Variants in WDFY3 observed in about 807,000 individuals in gnomAD.
The protein encoded by WDFY3 is WD repeat and FYVE domain-containing protein 3.
A neutral mutation model predicts 409.6 loss-of-function variants in WDFY3; 66 were observed. The observed-to-expected ratio is 0.16, with a 90% confidence interval of 0.13 to 0.20. The LOEUF (loss-of-function observed/expected upper bound fraction) is 0.20. Among genes scored for constraint, WDFY3 ranks in the 10% least tolerant of loss-of-function variants. WDFY3 has a pLI of 1.00. For synonymous variants in WDFY3, 1,521 were observed against 1,537.1 expected, an observed-to-expected ratio of 0.99 and a Z score of 0.25; for missense variants, 3,031 against 4,298.1, an observed-to-expected ratio of 0.71 and a Z score of 8.24.
rs1027493327 is a variant in WDFY3 at position 84,836,833 on chromosome 4, A to G, written c.576+96T>C. 1.9e-5 allele frequency: 21 copies of G among 1,103,232 alleles called. No homozygotes were observed. In the East Asian group the frequency reaches 5.8e-4, roughly 31 times the overall value. The allele number at this position is 1,103,232 out of a possible 1,614,324, so 68.3% of individuals were successfully genotyped here. On this transcript the variant is annotated intron_variant, in intron 7 of 67. Coordinates refer to ENST00000295888, the MANE Select transcript of WDFY3 (RefSeq NM_014991.6). ...CATACTATCATAAATAAAATGAAAT[A>G]TGAGTTAAAAAATGGAATATGTAAA...
chr4:84,721,899 G>A (rs1049041481), intron 46 of WDFY3, among the ~76,000 whole-genome samples: 1 of 152,078 alleles, frequency 6.6e-6, no homozygotes, highest in Non-Finnish European at 1.5e-5. Flanking sequence ...GAGGATTGTT[G>A]GAGGACTAAA....
intron 46 of WDFY3, among the ~76,000 whole-genome samples, chr4:84,722,003 G>T (rs1734933338): frequency 1.3e-5 from 2 of 152,202 alleles, no homozygotes; most frequent in African/African-American, 4.8e-5. Flanking sequence ...AGCTATAATA[G>T]TAAGAATGGT....
intron 13 of WDFY3, 81 bp downstream of exon 13, chr4:84,817,311 T>C: frequency 6.5e-7 from 1 of 1,540,428 alleles, no homozygotes; most frequent in Non-Finnish European, 8.8e-7. Flanking sequence ...AATTTCCCTG[T>C]CTCTAACTTA....
Position 84,797,987 on chromosome 4 carries a change from A to G in WDFY3, c.2935+9T>C, listed in dbSNP as rs1399269626. Reference sequence around the variant, plus strand: ...AAAATAAATCAAAAAAGGGAATTTCAAAACTTACTTCTCATTTCTGGTTCA... The same window carrying G: ...AAAATAAATCAAAAAAGGGAATTTCGAAACTTACTTCTCATTTCTGGTTCA... On this transcript the variant is annotated intron_variant, in intron 18 of 67. Coordinates refer to ENST00000295888, the MANE Select transcript of WDFY3 (RefSeq NM_014991.6). 6.3e-7 allele frequency: 1 copy of G among 1,589,934 alleles called. No individual in the cohort carries two copies. The highest frequency in any genetic ancestry group is 1.4e-5 in the African/African-American group (1 of 73,786).
rs869074191 is a variant in WDFY3, at chr4:84,850,928, G to GTTTTTTTTTTTTTTTTTTTTTTTTTTTTT, written c.181-932_181-904dup. On this transcript the variant is annotated intron_variant, in intron 4 of 67. Transcript: ENST00000295888. ...TTCTTATTTTTAATTTTATTTATCT[G>GTTTTTTTTTTTTTTTTTTTTTTTTTTTTT]TTTTTTTTTTTTTTTTTTTTTTTTT... Among the ~76,000 whole-genome samples, 47 of 46,252 alleles carry GTTTTTTTTTTTTTTTTTTTTTTTTTTTTT rather than the reference G, an allele frequency of 1.0e-3. 11 individuals are homozygous for GTTTTTTTTTTTTTTTTTTTTTTTTTTTTT. Among genetic ancestry groups the GTTTTTTTTTTTTTTTTTTTTTTTTTTTTT allele is most frequent in the South Asian group, 1.9e-3 (2 of 1,026 alleles). The allele number at this position is 46,252 out of a possible 152,430, so 30.3% of individuals were successfully genotyped here.
intron 3 of WDFY3, among the ~76,000 whole-genome samples, chr4:84,869,325 AG>A (rs1761861576): frequency 1.3e-5 from 2 of 151,086 alleles, no homozygotes; most frequent in South Asian, 4.2e-4. Flanking sequence ...ATTGTTCAAT[AG>A]AGGTGAGACT....
chr4:84,674,735 G>A (rs1301059924), intron 67 of WDFY3, among the ~76,000 whole-genome samples: 2 of 151,592 alleles, frequency 1.3e-5, no homozygotes, highest in East Asian at 4.0e-4. Flanking sequence ...AGGCGTGGTG[G>A]TGCACGCCTG....
intron 32 of WDFY3, among the ~76,000 whole-genome samples, chr4:84,762,393 C>G (rs1560693800): frequency 6.9e-6 from 1 of 145,076 alleles, no homozygotes; most frequent in Non-Finnish European, 1.5e-5. Flanking sequence ...TATTCTCACT[C>G]ATAGGTGGGA....
intron 5 of WDFY3, among the ~76,000 whole-genome samples, chr4:84,844,954 A>T (rs1757880394): frequency 1.3e-5 from 2 of 152,220 alleles, no homozygotes; most frequent in Non-Finnish European, 2.9e-5. Flanking sequence ...CTGTGACTTG[A>T]CCTAAACGTA....
intron 64 of WDFY3, among the ~76,000 whole-genome samples, chr4:84,680,451 G>A (rs1727170155): frequency 6.6e-6 from 1 of 152,084 alleles, no homozygotes; most frequent in African/African-American, 2.4e-5. Context: ...CACAACATCT[G>A]GCTAAAGATT....
At chr4:84,737,403 C>T in intron 40 of WDFY3, 37 bp from the exon 41 acceptor site, 1 of 1,516,612 alleles carries the variant, frequency 6.6e-7, no homozygotes, top group East Asian at 2.3e-5. Flanking sequence ...AAAAAGTAAG[C>T]AAATGATCAA....
chr4:84,688,796 G>A (rs1728763305), intron 61 of WDFY3, among the ~76,000 whole-genome samples: 1 of 152,144 alleles, frequency 6.6e-6, no homozygotes, highest in Non-Finnish European at 1.5e-5. Context: ...ATGTAGTCCT[G>A]AGGCGTCAAC....
At chr4:84,921,645 C>CTT (rs1561081050) in intron 2 of WDFY3, among the ~76,000 whole-genome samples, 2 of 112,304 alleles carry the variant, frequency 1.8e-5, no homozygotes, top group African/African-American at 3.6e-5. Flanking sequence ...CTATTGCTTT[C>CTT]ATTTTTTTTT....
At chr4:84,707,359 T>C (rs1258910725) in intron 53 of WDFY3, among the ~76,000 whole-genome samples, 1 of 152,068 alleles carries the variant, frequency 6.6e-6, no homozygotes. Context: ...AATGGTCCAA[T>C]AAAGATGAGG....
At chr4:84,753,113 A>G (rs932069744) in intron 35 of WDFY3, among the ~76,000 whole-genome samples, 2 of 152,224 alleles carry the variant, frequency 1.3e-5, no homozygotes, top group African/African-American at 4.8e-5. Flanking sequence ...GCAGGAAACC[A>G]GGCAGCATTT....
chr4:84,789,656 C>A (rs1435144988), intron 22 of WDFY3, 70 bp downstream of exon 22: 1 of 1,470,518 alleles, frequency 6.8e-7, no homozygotes, highest in African/African-American at 1.4e-5. Flanking sequence ...CACACACACA[C>A]ACACACACAC....
At chr4:84,868,025 C>T (rs577386432) in intron 3 of WDFY3, among the ~76,000 whole-genome samples, 1 of 151,344 alleles carries the variant, frequency 6.6e-6, no homozygotes, top group East Asian at 1.9e-4. Context: ...AAAAATTAGC[C>T]GGGGATGGTG....
At chr4:84,838,095 T>C (rs767209805) in intron 6 of WDFY3, among the ~76,000 whole-genome samples, 58 of 152,100 alleles carry the variant, frequency 3.8e-4, no homozygotes, top group Admixed American at 1.9e-3. Flanking sequence ...GGAAGATACA[T>C]AGGAGGTTAG....
At chr4:84,801,411 TGA>T (rs1329293618) in intron 17 of WDFY3, among the ~76,000 whole-genome samples, 2 of 152,198 alleles carry the variant, frequency 1.3e-5, no homozygotes, top group Non-Finnish European at 2.9e-5. Context: ...TAAAGGAAAG[TGA>T]GAGCTTGCTA....
Sources: allele counts gnomAD v4.1 joint callset (sites outside exome capture counted in the v4.1 genomes callset), GRCh38; gene constraint gnomAD v4.1.1; transcripts MANE v1.5; gene names NCBI Gene and HGNC (gene_info 2026-07-23, HGNC 2026-07-21).